The following CCDC13 variants were observed in gnomAD, a reference collection of about 807,000 sequenced individuals.
CCDC13 encodes coiled-coil domain-containing protein 13.
A neutral mutation model predicts 87.3 loss-of-function variants in CCDC13; 70 were observed. That is an observed-to-expected ratio of 0.80 (90% CI 0.66 to 0.98). The LOEUF (loss-of-function observed/expected upper bound fraction) is 0.98, where lower values mean the gene tolerates loss of function less well. Ranked by LOEUF, CCDC13 falls within the 50% of genes least tolerant of loss-of-function variation. The pLI, the probability that CCDC13 is intolerant of heterozygous loss-of-function variation, is 0.00. For synonymous variants in CCDC13, 317 were observed against 360.3 expected (o/e 0.88, Z 1.36); for missense variants, 842 against 892.0 (o/e 0.94, Z 0.71).
At chr3:42,742,794 GGTGGCTCAGACTTCTGACCACAT>G (rs1699261312) in intron 8 of CCDC13, 79 bp downstream of exon 8, 1 of 1,437,734 alleles carries the variant, frequency 7.0e-7, no homozygotes, top group South Asian at 1.3e-5. Flanking sequence ...GCCTAGAAGG[GGTGGCTCAGACTTCTGACCACAT>G]GTGCCTCAGA....
Position 42,771,317 on chromosome 3 carries a change from A to C in CCDC13, c.-7+1859T>G, listed in dbSNP as rs370777813. Reference sequence around the variant, plus strand: ...AAATCCCTTCTAAATGAAAAATATCAGTGGTTTCCAGGGGTTGGTGGGAAG... The same window carrying C: ...AAATCCCTTCTAAATGAAAAATATCCGTGGTTTCCAGGGGTTGGTGGGAAG... On this transcript the variant is annotated intron_variant, in intron 1 of 15. Transcript: ENST00000310232. 2.6e-3 allele frequency among the ~76,000 whole-genome samples: 390 copies of C among 152,352 alleles called. 1 individual carries two copies. Among genetic ancestry groups the C allele is most frequent in the African/African-American group, 9.0e-3 (375 of 41,582 alleles).
Position 42,747,364 on chromosome 3 carries a change from G to A in CCDC13, c.613C>T (p.Pro205Ser). 1.2e-6 allele frequency: 2 copies of A among 1,613,166 alleles called. No homozygotes were observed. The highest frequency in any genetic ancestry group is 1.7e-5 in the Admixed American group (1 of 60,026). ...QMGDRALLET[P>S]EVKALQDRLV... ...CTGTCCTGCAGGGCCTTCACCTCTG[G>A]GGTCTCCAGCTGGTTGGGAAGGACA... is the stretch of plus-strand genomic sequence containing the variant. Residue 205 changes from proline (P) to serine (S), a missense_variant, in exon 6 of 16, where the codon CCA (proline) becomes TCA (serine). Coordinates refer to ENST00000310232, the MANE Select transcript of CCDC13 (RefSeq NM_144719.4).
chr3:42,730,739 C>T (rs1698807791), intron 12 of CCDC13, 150 bp from the exon 13 acceptor site: 3 of 1,036,802 alleles, frequency 2.9e-6, no homozygotes, highest in African/African-American at 1.6e-5. Flanking sequence ...AGGTCCTCCC[C>T]TGCTGGCTTC....
rs765190012 is a variant in CCDC13 at position 42,751,963 on chromosome 3, C to T, written c.576G>A (p.Pro192=). 11 of 1,611,816 alleles carry T rather than the reference C, an allele frequency of 6.8e-6. No individual in the cohort carries two copies. Among genetic ancestry groups the T allele is most frequent in the South Asian group, 2.2e-5 (2 of 91,082 alleles). ...ATGCTCTGTCTCCCATCTGGGCCCTCGGTGGCTTGGCTCCTGCGTCGGTGG... is the reference window on the plus strand; with the variant it reads ...ATGCTCTGTCTCCCATCTGGGCCCTTGGTGGCTTGGCTCCTGCGTCGGTGG... ...KGATDAGAKP[P]RAQMGDRALL... Residue 192 remains proline, a synonymous_variant, in exon 5 of 16, where the codon CCG becomes CCA. Coordinates refer to ENST00000310232, the MANE Select transcript of CCDC13 (RefSeq NM_144719.4).
intron 1 of CCDC13, among the ~76,000 whole-genome samples, chr3:42,768,707 T>A (rs201764815): frequency 7.2e-6 from 1 of 137,940 alleles, no homozygotes; most frequent in African/African-American, 2.7e-5. Context: ...TAAAAAAAAA[T>A]AAAAAACAAG....
chr3:42,734,220 C>A lies in CCDC13; in HGVS notation c.1372-611G>T, dbSNP rs985742356. Among the ~76,000 whole-genome samples, 3 of 152,222 alleles carry A rather than the reference C, an allele frequency of 2.0e-5. No individual in the cohort carries two copies. In the South Asian group the frequency reaches 6.2e-4, roughly 32 times the overall value. On this transcript the variant is annotated intron_variant, in intron 10 of 15. Coordinates refer to ENST00000310232, the MANE Select transcript of CCDC13 (RefSeq NM_144719.4). Reference sequence around the variant, plus strand: ...GTGGACAACCGGTGTAAGCCCCTAACAACCTGGCTTGTCCCCCAGCCCCAC... The same window carrying A: ...GTGGACAACCGGTGTAAGCCCCTAAAAACCTGGCTTGTCCCCCAGCCCCAC...
chr3:42,750,458 T>C (rs943001482), intron 5 of CCDC13, among the ~76,000 whole-genome samples: 3 of 152,054 alleles, frequency 2.0e-5, no homozygotes, highest in Non-Finnish European at 4.4e-5. Context: ...TTTTTGGTGG[T>C]TGTTGTAGTT....
chr3:42,711,767 G>A (rs1332689331), intron 14 of CCDC13, among the ~76,000 whole-genome samples: 1 of 152,204 alleles, frequency 6.6e-6, no homozygotes, highest in Non-Finnish European at 1.5e-5. Flanking sequence ...GGTAAGTGGT[G>A]CTCTGCTCAC....
At chr3:42,745,666 C>T in intron 7 of CCDC13, 1 of 320,266 alleles carries the variant, frequency 3.1e-6, no homozygotes, top group East Asian at 5.0e-5. Flanking sequence ...TAAATCAAAC[C>T]AAAGGCGTTG....
At position 42,745,986 on chromosome 3, in the gene CCDC13, C is replaced by T; in HGVS notation, c.762G>A (p.Gln254=). 1 of 1,614,166 alleles carries T rather than the reference C, an allele frequency of 6.2e-7. No individual in the cohort carries two copies. The highest frequency in any genetic ancestry group is 8.5e-7 in the Non-Finnish European group (1 of 1,180,032). ...REVGEDINVQ[Q]LLSSPGTWRG... is the part of the protein sequence containing the mutation. ...TCCAGGTCCCTGGCGAAGATAGGAGCTGCTGAACGTTGATGTCTTCCCCAA... is the reference window on the plus strand; with the variant it reads ...TCCAGGTCCCTGGCGAAGATAGGAGTTGCTGAACGTTGATGTCTTCCCCAA... Residue 254 remains glutamine, a synonymous_variant, in exon 7 of 16, where the codon CAG becomes CAA. Coordinates refer to ENST00000310232, the MANE Select transcript of CCDC13 (RefSeq NM_144719.4).
intron 14 of CCDC13, 87 bp downstream of exon 14, chr3:42,713,075 G>T: frequency 1.4e-6 from 2 of 1,462,918 alleles, no homozygotes; most frequent in South Asian, 1.3e-5. Flanking sequence ...GCTCACTGAT[G>T]GGCTGAACAG....
At chr3:42,720,098 T>C (rs1487114697) in intron 13 of CCDC13, among the ~76,000 whole-genome samples, 2 of 152,238 alleles carry the variant, frequency 1.3e-5, no homozygotes, top group Non-Finnish European at 2.9e-5. Context: ...TTGTTCAATT[T>C]ACCTACTTTG....
intron 13 of CCDC13, among the ~76,000 whole-genome samples, chr3:42,729,195 C>A (rs1698761738): frequency 6.6e-6 from 1 of 152,174 alleles, no homozygotes; most frequent in African/African-American, 2.4e-5. Flanking sequence ...TCACACACCC[C>A]CAAACTCGGA....
At position 42,713,199 on chromosome 3, in the gene CCDC13, T is replaced by G; in HGVS notation, c.1836A>C (p.Ala612=). The G allele has an allele frequency of 6.2e-7, 1 of 1,614,202 alleles. No individual in the cohort carries two copies. The change falls in exon 14 of 16, where the codon GCA becomes GCC. Residue 612 remains alanine (A), a synonymous_variant. Transcript: ENST00000310232. ...TGGGAGCTGCTCTCTGGGAGGCTGA[T>G]GCCTTCCCTGGCTCCAGGCGTATCT... is the stretch of plus-strand genomic sequence containing the variant. ...LEKIRLEPGK[A]SASQRAAPRT...
intron 7 of CCDC13, among the ~76,000 whole-genome samples, chr3:42,744,162 C>T (rs1699319816): frequency 6.6e-6 from 1 of 152,050 alleles, no homozygotes; most frequent in South Asian, 2.1e-4. Context: ...GATTAGGTAA[C>T]TTTGCAAAAT....
intron 15 of CCDC13, 107 bp downstream of exon 15, chr3:42,709,577 G>T: frequency 1.1e-6 from 1 of 900,694 alleles, no homozygotes. Context: ...CAAGCCTTCT[G>T]GGCAAATGAG....
chr3:42,771,262 TAC>T (rs1700094023), intron 1 of CCDC13, among the ~76,000 whole-genome samples: 2 of 152,140 alleles, frequency 1.3e-5, no homozygotes, highest in African/African-American at 2.4e-5. Context: ...AAGGCAAAAT[TAC>T]AGAGAAGTAA....
intron 10 of CCDC13, 29 bp from the exon 11 acceptor site, chr3:42,733,638 C>A (rs200867372): frequency 1.9e-6 from 3 of 1,572,254 alleles, no homozygotes; most frequent in Non-Finnish European, 2.6e-6. Flanking sequence ...GTTCCATCCT[C>A]AGGGCTTTGG....
intron 13 of CCDC13, among the ~76,000 whole-genome samples, chr3:42,729,460 A>G (rs550847025): frequency 7.5e-4 from 114 of 152,262 alleles, no homozygotes; most frequent in African/African-American, 2.6e-3. Context: ...TTCTTTTGCT[A>G]TCAGTACCCC....
Sources: gnomAD v4.1 joint callset for allele counts (sites outside exome capture counted in the v4.1 genomes callset) on GRCh38, gnomAD v4.1.1 for gene constraint, MANE v1.5 for transcripts, NCBI Gene and HGNC (gene_info 2026-07-23, HGNC 2026-07-21) for gene names.